The following MAP3K5 variants were observed in gnomAD, a reference collection of about 807,000 sequenced individuals.
MAP3K5 encodes the protein ASK-1.
In MAP3K5, 56 loss-of-function variants were observed where a neutral mutation model predicts 158.7. The ratio of observed to expected loss-of-function variants is 0.35; its 90% CI spans 0.28 to 0.44. The LOEUF is 0.44. Among genes scored for constraint, MAP3K5 ranks in the 20% least tolerant of loss-of-function variants. The pLI is 1.00. For synonymous variants in MAP3K5, 579 were observed against 601.7 expected, an observed-to-expected ratio of 0.96 and a Z score of 0.55; for missense variants, 1,294 against 1,674.8, an observed-to-expected ratio of 0.77 and a Z score of 3.97.
chr6:136,599,585 C>A (rs376987460), intron 21 of MAP3K5, among the ~76,000 whole-genome samples: 87 of 152,040 alleles, frequency 5.7e-4, no homozygotes, highest in African/African-American at 2.0e-3. Context: ...CTATTTCCTG[C>A]GAACAAAAAC....
Position 136,792,195 on chromosome 6 carries a change from G to T in MAP3K5, c.-38C>A, listed in dbSNP as rs1785111812. Reference sequence around the variant, plus strand: ...GGCAGCAACGGCGGCGGCGTCCCCCGCCCAGCCGCACCGCCTGGCCAGCCA... The same window carrying T: ...GGCAGCAACGGCGGCGGCGTCCCCCTCCCAGCCGCACCGCCTGGCCAGCCA... On this transcript the variant is annotated 5_prime_UTR_variant, in exon 1 of 30. Transcript: ENST00000359015. This position sits in a 1 kb window ranked among gnomAD's most constrained non-coding sequence, Gnocchi z 5.7. 2 of 1,521,332 alleles carry T rather than the reference G, an allele frequency of 1.3e-6. No homozygotes were observed. Among genetic ancestry groups the T allele is most frequent in the Non-Finnish European group, 8.8e-7 (1 of 1,138,700 alleles). 94.2% of individuals were successfully genotyped at this position (1,521,332 alleles called of 1,614,324 possible).
At chr6:136,578,301 T>G (rs114501818) in intron 25 of MAP3K5, among the ~76,000 whole-genome samples, 1 of 152,208 alleles carries the variant, frequency 6.6e-6, no homozygotes, top group South Asian at 2.1e-4. Flanking sequence ...TTCTACACCA[T>G]GCAAAATTTC....
At chr6:136,687,862 C>T (rs928430674) in intron 7 of MAP3K5, among the ~76,000 whole-genome samples, 13 of 152,100 alleles carry the variant, frequency 8.5e-5, no homozygotes, top group East Asian at 1.9e-4. Context: ...GACAGTGTGG[C>T]GATTCCTCAA....
chr6:136,564,590 C>T (rs1024024488), intron 26 of MAP3K5, among the ~76,000 whole-genome samples: 2 of 152,126 alleles, frequency 1.3e-5, no homozygotes, highest in Non-Finnish European at 2.9e-5. Flanking sequence ...CTAATTTATA[C>T]GTATAAGACA....
At chr6:136,708,288 CTA>C (rs56225337) in intron 2 of MAP3K5, among the ~76,000 whole-genome samples, 64,504 of 151,534 alleles carry the variant, frequency 0.43, 14,849 homozygotes, top group Non-Finnish European at 0.51. Context: ...CAGGATCTCG[CTA>C]TGTTACCCAG....
At chr6:136,772,069 C>T (rs947165941) in intron 1 of MAP3K5, among the ~76,000 whole-genome samples, 2 of 146,064 alleles carry the variant, frequency 1.4e-5, no homozygotes, top group Non-Finnish European at 3.0e-5. Flanking sequence ...CCACCACGCC[C>T]AATTAATTTT....
At chr6:136,721,147 G>A (rs776531990) in intron 1 of MAP3K5, among the ~76,000 whole-genome samples, 19 of 151,560 alleles carry the variant, frequency 1.3e-4, no homozygotes, top group Non-Finnish European at 7.4e-5. Flanking sequence ...AATTTGCAAC[G>A]GTGGGAAGCA....
chr6:136,790,419 GAA>G (rs1332052889), intron 1 of MAP3K5, among the ~76,000 whole-genome samples: 1 of 152,128 alleles, frequency 6.6e-6, no homozygotes, highest in Non-Finnish European at 1.5e-5. Flanking sequence ...ACAATTTTTA[GAA>G]AAGTTATGTT....
chr6:136,760,930 C>T (rs1373730318), intron 1 of MAP3K5, among the ~76,000 whole-genome samples: 1 of 152,180 alleles, frequency 6.6e-6, no homozygotes, highest in Non-Finnish European at 1.5e-5. Flanking sequence ...GATTGCACCA[C>T]TGCACTCCAG....
intron 15 of MAP3K5, among the ~76,000 whole-genome samples, chr6:136,621,397 C>T (rs1776794097): frequency 6.6e-6 from 1 of 152,190 alleles, no homozygotes; most frequent in Admixed American, 6.5e-5. Context: ...ACTCTAATAT[C>T]CCCGCCATAT....
At chr6:136,669,595 C>T (rs972723846) in intron 7 of MAP3K5, among the ~76,000 whole-genome samples, 200 bp from the exon 8 acceptor site, 11 of 151,840 alleles carry the variant, frequency 7.2e-5, no homozygotes, top group African/African-American at 2.7e-4. Context: ...CTTTCCCCCG[C>T]TTAGCTCACC....
intron 1 of MAP3K5, among the ~76,000 whole-genome samples, chr6:136,772,860 G>C (rs1784264926): frequency 1.3e-5 from 2 of 152,170 alleles, no homozygotes; most frequent in African/African-American, 4.8e-5. Flanking sequence ...AAAAGCCTGT[G>C]AAATCTGGCC....
intron 17 of MAP3K5, among the ~76,000 whole-genome samples, chr6:136,612,693 G>A (rs1472926648): frequency 2.0e-5 from 3 of 152,176 alleles, no homozygotes; most frequent in Non-Finnish European, 4.4e-5. Flanking sequence ...TGATACTTGT[G>A]AGAAAAGAGG....
intron 2 of MAP3K5, among the ~76,000 whole-genome samples, chr6:136,716,244 A>G (rs902798266): frequency 1.3e-5 from 2 of 151,980 alleles, no homozygotes; most frequent in Non-Finnish European, 2.9e-5. Flanking sequence ...ATATTATTAA[A>G]TATTCCCAAA....
chr6:136,728,643 T>C (rs1361253166), intron 1 of MAP3K5, among the ~76,000 whole-genome samples: 1 of 152,238 alleles, frequency 6.6e-6, no homozygotes, highest in Non-Finnish European at 1.5e-5. Context: ...TTCTGGTCCA[T>C]GATTTCCTCA....
intron 1 of MAP3K5, among the ~76,000 whole-genome samples, chr6:136,787,276 G>C (rs756794192): frequency 1.1e-4 from 17 of 152,334 alleles, no homozygotes; most frequent in Admixed American, 2.6e-4. Flanking sequence ...TCTGATTTTT[G>C]AAGCTGATTC....
chr6:136,610,171 A>C (rs1013877552), intron 18 of MAP3K5, among the ~76,000 whole-genome samples: 3 of 151,970 alleles, frequency 2.0e-5, no homozygotes, highest in Admixed American at 6.5e-5. Flanking sequence ...TCTCTCTATA[A>C]GAAGAACTTA....
At chr6:136,702,961 G>C (rs991972171) in intron 3 of MAP3K5, among the ~76,000 whole-genome samples, 10 of 152,084 alleles carry the variant, frequency 6.6e-5, no homozygotes, top group African/African-American at 2.4e-4. Flanking sequence ...CTCCCAAAGT[G>C]CTGGGATTAC....
chr6:136,773,389 A>G (rs369134663), intron 1 of MAP3K5, among the ~76,000 whole-genome samples: 1 of 152,220 alleles, frequency 6.6e-6, no homozygotes, highest in African/African-American at 2.4e-5. Flanking sequence ...CGTACCTGAC[A>G]TCTACCACCA....
Sources: allele counts gnomAD v4.1 joint callset (sites outside exome capture counted in the v4.1 genomes callset), GRCh38; gene constraint gnomAD v4.1.1; non-coding constraint Gnocchi (gnomAD v3.1); transcripts MANE v1.5; gene names NCBI Gene and HGNC (gene_info 2026-07-23, HGNC 2026-07-21).